The following TP53BP2 variants were observed in gnomAD, a reference collection of about 807,000 sequenced individuals.
TP53BP2 encodes the protein apoptosis-stimulating of p53 protein 2.
Under a neutral mutation model 126.2 loss-of-function variants are expected in TP53BP2, and 62 were observed. The observed-to-expected ratio is 0.49, with a 90% CI of 0.40 to 0.61. The LOEUF is 0.61. Among genes scored for constraint, TP53BP2 ranks in the 20% least tolerant of loss-of-function variants. The pLI is 0.00. For missense variants in TP53BP2, 1,215 were observed against 1,402.8 expected (o/e 0.87, Z 2.14); for synonymous variants, 485 against 502.9 (o/e 0.96, Z 0.48).
chr1:223,828,071 T>C (rs1235465767), intron 1 of TP53BP2, among the ~76,000 whole-genome samples: 1 of 152,226 alleles, frequency 6.6e-6, no homozygotes, highest in Non-Finnish European at 1.5e-5. Flanking sequence ...GGCTACTCTA[T>C]CAACTAAGTC....
chr1:223,809,878 G>A (rs565976253), intron 4 of TP53BP2, among the ~76,000 whole-genome samples: 18 of 152,028 alleles, frequency 1.2e-4, no homozygotes, highest in African/African-American at 3.9e-4. Context: ...CCAGGCTGGA[G>A]TGCCATGGCG....
At chr1:223,834,199 G>A (rs1663840932) in intron 1 of TP53BP2, among the ~76,000 whole-genome samples, 1 of 152,152 alleles carries the variant, frequency 6.6e-6, no homozygotes. Flanking sequence ...TATTGCAAGG[G>A]AAAAGTCACT....
chr1:223,840,562 A>T (rs941002609), intron 1 of TP53BP2, among the ~76,000 whole-genome samples: 2 of 152,266 alleles, frequency 1.3e-5, no homozygotes, highest in African/African-American at 4.8e-5. Context: ...GCTAGATAAC[A>T]TGAGCTTCAA....
At chr1:223,824,887 CT>C (rs1663433995) in intron 1 of TP53BP2, among the ~76,000 whole-genome samples, 4 of 151,952 alleles carry the variant, frequency 2.6e-5, no homozygotes, top group Admixed American at 2.0e-4. Flanking sequence ...AGCCTCTGTA[CT>C]TGCTGTTCCT....
At position 223,792,662 on chromosome 1, in the gene TP53BP2, C is replaced by A; in HGVS notation, c.2863-140G>T. The A allele has an allele frequency of 4.2e-6, 3 of 712,472 alleles. No homozygotes were observed. The highest frequency in any genetic ancestry group is 2.1e-6 in the Non-Finnish European group (1 of 473,212). 44.1% of individuals were successfully genotyped at this position (712,472 alleles called of 1,614,324 possible). A position where few individuals can be genotyped will look rare whatever the true frequency, so the allele number is the denominator to read the frequency against. On this transcript the variant is annotated intron_variant, in intron 14 of 17. Transcript: ENST00000343537. ...AAATCATAATTAAAACCTATAGGAG[C>A]CAAGAAAACTATACCAAGAACAATT...
intron 16 of TP53BP2, among the ~76,000 whole-genome samples, chr1:223,786,069 G>A (rs754474370): frequency 1.3e-5 from 2 of 152,106 alleles, no homozygotes; most frequent in African/African-American, 2.4e-5. Flanking sequence ...AAGATAAACT[G>A]TGCAGTGAAA....
chr1:223,798,641 C>T lies in TP53BP2; in HGVS notation c.1522G>A (p.Val508Ile). The T allele has an allele frequency of 6.2e-7, 1 of 1,612,858 alleles. No individual in the cohort carries two copies. Among genetic ancestry groups the T allele is most frequent in the Non-Finnish European group, 8.5e-7 (1 of 1,179,372 alleles). Residue 508 changes from valine to isoleucine, a missense_variant, in exon 12 of 18, where the codon GTT (valine) becomes ATT (isoleucine). Around this residue, in one of 4 missense-constraint regions of TP53BP2, gnomAD observed 814 missense variants for 853.0 expected, o/e 0.95. Transcript: ENST00000343537. The part of the protein sequence containing the change: ...NKNVAKVPPP[V>I]PTKPKQINLP... ...TTAATCTGTTTTGGTTTTGTAGGAA[C>T]AGGAGGTGGTACTTTAGCCACATTT...
intron 15 of TP53BP2, among the ~76,000 whole-genome samples, chr1:223,790,735 C>T (rs1005473288): frequency 1.3e-5 from 2 of 151,684 alleles, no homozygotes; most frequent in South Asian, 4.2e-4. Context: ...TCCCCGGTAG[C>T]TGGGACTACA....
intron 17 of TP53BP2, among the ~76,000 whole-genome samples, chr1:223,783,427 C>CT (rs1355686434): frequency 1.3e-5 from 2 of 152,224 alleles, no homozygotes; most frequent in Middle Eastern, 3.2e-3. Flanking sequence ...TCTGCAAGCA[C>CT]TTTAAACTTT....
rs778007087 is a variant in TP53BP2, at chr1:223,804,298, TTGTTGC to T, written c.519_524del (p.Gln174_Gln175del). 4 of 1,614,044 alleles carry T rather than the reference TTGTTGC, an allele frequency of 2.5e-6. No homozygotes were observed. The South Asian group carries it at 4.4e-5, about 18-fold the overall frequency. On this transcript the variant is annotated inframe_deletion, in exon 6 of 18. Transcript: ENST00000343537. ...TTTTAAGTTTCTCCTGCTCAGCAAC[TTGTTGC>T]TGTTGTCGCTGATCTTGTTGTTTCA...
intron 1 of TP53BP2, among the ~76,000 whole-genome samples, chr1:223,833,740 C>A (rs933933201): frequency 2.6e-5 from 4 of 152,162 alleles, no homozygotes; most frequent in Non-Finnish European, 5.9e-5. Context: ...TTCTTGCTGA[C>A]TTCAACAAGA....
chr1:223,794,516 T>C (rs1027422773), intron 13 of TP53BP2, among the ~76,000 whole-genome samples: 4 of 152,190 alleles, frequency 2.6e-5, no homozygotes, highest in African/African-American at 9.7e-5. Context: ...GACACCTTCC[T>C]AGGAAGAGAA....
At chr1:223,813,521 A>C (rs1662984241) in intron 3 of TP53BP2, among the ~76,000 whole-genome samples, 1 of 151,996 alleles carries the variant, frequency 6.6e-6, no homozygotes, top group East Asian at 1.9e-4. Context: ...CACCCAGCTA[A>C]GGTATCACCT....
chr1:223,821,031 G>T, intron 2 of TP53BP2, 189 bp downstream of exon 2: 1 of 691,076 alleles, frequency 1.4e-6, no homozygotes. Context: ...CATTTTATTG[G>T]AGAAAAAGAA....
chr1:223,794,925 CATTTAAAAAAATTCTTTTA>C (rs1169511219), intron 13 of TP53BP2, among the ~76,000 whole-genome samples: 2 of 152,116 alleles, frequency 1.3e-5, no homozygotes, highest in African/African-American at 4.8e-5. Flanking sequence ...ATGCAAAGTA[CATTTAAAAAAATTCTTTTA>C]ATGCTATTTT....
At chr1:223,816,257 A>AT (rs1422138451) in intron 2 of TP53BP2, among the ~76,000 whole-genome samples, 3 of 152,268 alleles carry the variant, frequency 2.0e-5, no homozygotes, top group Non-Finnish European at 4.4e-5. Flanking sequence ...TCCCTAGCAC[A>AT]TAACAGGCAT....
chr1:223,807,050 A>G (rs1662748079), intron 4 of TP53BP2, 103 bp from the exon 5 acceptor site: 4 of 727,928 alleles, frequency 5.5e-6, no homozygotes, highest in African/African-American at 3.6e-5. Context: ...TGAACCAACT[A>G]TGACAAAATT....
chr1:223,833,276 C>T (rs1163260209), intron 1 of TP53BP2, among the ~76,000 whole-genome samples: 1 of 152,224 alleles, frequency 6.6e-6, no homozygotes, highest in Non-Finnish European at 1.5e-5. Context: ...CTATCAGTTA[C>T]ATCTGAGTTT....
chr1:223,821,499 C>G lies in TP53BP2; in HGVS notation c.28-132G>C, dbSNP rs567482235. On this transcript the variant is annotated intron_variant, in intron 1 of 17. Coordinates refer to ENST00000343537, the MANE Select transcript of TP53BP2 (RefSeq NM_001031685.3). ...ACAACAGAACAGTCTGGCTGTCACC[C>G]GGCCAAAGGTGAGGTGTGGACTGGG... The G allele has an allele frequency of 2.4e-5, 30 of 1,252,154 alleles. No homozygotes were observed. In the Admixed American group the frequency reaches 5.1e-4, roughly 21 times the overall value. 77.6% of individuals were successfully genotyped at this position (1,252,154 alleles called of 1,614,324 possible).
Sources: allele counts gnomAD v4.1 joint callset (sites outside exome capture counted in the v4.1 genomes callset), GRCh38; gene constraint gnomAD v4.1.1; regional missense constraint gnomAD v4.1.1; transcripts MANE v1.5; gene names NCBI Gene and HGNC (gene_info 2026-07-23, HGNC 2026-07-21).